Variants in PPA1 observed in about 807,000 individuals in gnomAD.
PPA1 encodes the protein inorganic pyrophosphatase.
A neutral mutation model predicts 41.8 loss-of-function variants in PPA1; 23 were observed. The ratio of observed to expected loss-of-function variants is 0.55; its 90% CI spans 0.40 to 0.78. The LOEUF is 0.78. PPA1 is among the 30% of genes least tolerant of loss of function. The pLI, the probability that PPA1 is intolerant of heterozygous loss-of-function variation, is 0.00. For missense variants in PPA1, 320 were observed against 361.6 expected (o/e 0.89, Z 0.93); for synonymous variants, 101 against 116.8 (o/e 0.86, Z 0.87).
chr10:70,211,801 C>T (rs906832493), intron 6 of PPA1, among the ~76,000 whole-genome samples: 2 of 152,150 alleles, frequency 1.3e-5, no homozygotes, highest in Non-Finnish European at 2.9e-5. Flanking sequence ...ATAAGAAGCA[C>T]GTTGGAAATG....
chr10:70,205,850 G>A (rs1476166995), intron 9 of PPA1: 1 of 155,926 alleles, frequency 6.4e-6, no homozygotes, highest in Non-Finnish European at 1.4e-5. Context: ...TCACATGAAA[G>A]CCTTTCTTAG....
Position 70,221,040 on chromosome 10 carries a change from A to T in PPA1, c.124-2223T>A, listed in dbSNP as rs61196366. ...ATTTATATATATAATATATATATAA[A>T]TTATATATATATATAATTTATATAT... On this transcript the variant is annotated intron_variant, in intron 2 of 10. Transcript: ENST00000373232. 6.8e-3 allele frequency among the ~76,000 whole-genome samples: 456 copies of T among 66,912 alleles called. 31 individuals are homozygous for T. The highest frequency in any genetic ancestry group is 0.039 in the African/African-American group (437 of 11,344). The allele number at this position is 66,912 out of a possible 152,430, so 43.9% of individuals were successfully genotyped here.
chr10:70,222,127 A>G (rs1234551815), intron 2 of PPA1, among the ~76,000 whole-genome samples: 1 of 151,972 alleles, frequency 6.6e-6, no homozygotes, highest in East Asian at 1.9e-4. Context: ...TGAGGTCAGG[A>G]GATCGAGACC....
At chr10:70,206,907 C>G (rs111391803) in intron 8 of PPA1, among the ~76,000 whole-genome samples, 1,015 of 52,964 alleles carry the variant, frequency 0.019, 79 homozygotes, top group African/African-American at 0.094. Flanking sequence ...GAGGAGAGGA[C>G]GAAAGAAACT....
intron 5 of PPA1, 45 bp from the exon 6 acceptor site, chr10:70,213,634 C>A: frequency 6.4e-7 from 1 of 1,561,914 alleles, no homozygotes; most frequent in Non-Finnish European, 8.7e-7. Flanking sequence ...CAGAACCACA[C>A]TCTAGAAGAC....
intron 5 of PPA1, among the ~76,000 whole-genome samples, chr10:70,214,219 A>G (rs1316102635): frequency 6.6e-6 from 1 of 152,182 alleles, no homozygotes; most frequent in Non-Finnish European, 1.5e-5. Flanking sequence ...CCTTTCACCT[A>G]TTGACTAATT....
Position 70,221,079 on chromosome 10 carries a change from T to TATATATATATATAA in PPA1, c.124-2263_124-2262insTTATATATATATAT, listed in dbSNP as rs1564584678. 2.2e-4 allele frequency among the ~76,000 whole-genome samples: 5 copies of TATATATATATATAA among 22,888 alleles called. 1 individual carries two copies. Among genetic ancestry groups the TATATATATATATAA allele is most frequent in the African/African-American group, 9.3e-4 (5 of 5,392 alleles). The allele number at this position is 22,888 out of a possible 152,430, so 15.0% of individuals were successfully genotyped here. On this transcript the variant is annotated intron_variant, in intron 2 of 10. Coordinates refer to ENST00000373232, the MANE Select transcript of PPA1 (RefSeq NM_021129.4). Reference sequence around the variant, plus strand: ...TAATTTATATATATATATATATATTTTTTTTTTTTTTTTTTTGTAGAGATG... The same window carrying TATATATATATATAA: ...TAATTTATATATATATATATATATTTATATATATATATAATTTTTTTTTTTTTTTTGTAGAGATG...
chr10:70,217,906 G>A lies in PPA1; in HGVS notation c.203C>T (p.Pro68Leu), dbSNP rs771588867. Residue 68 changes from proline (P) to leucine (L), a missense_variant, in exon 4 of 11, where the codon CCT (proline) becomes CTT (leucine). Pro to Leu is a moderately conservative substitution (Grantham distance 98). Coordinates refer to ENST00000373232, the MANE Select transcript of PPA1 (RefSeq NM_021129.4). ...TCCTTTTTTCACATCTTGTTTAATA[G>A]GGTTTAAAGGGTCCTTTGTAGCAAT... Reference protein sequence around the residue: ...MEIATKDPLNPIKQDVKKGKL... With the variant: ...MEIATKDPLNLIKQDVKKGKL... 3 of 1,587,704 alleles carry A rather than the reference G, an allele frequency of 1.9e-6. No homozygotes were observed. The highest frequency in any genetic ancestry group is 8.6e-7 in the Non-Finnish European group (1 of 1,165,616).
In PPA1 at chr10:70,220,845, ATT is replaced by A. The variant is rs1491379194; in HGVS notation, c.124-2030_124-2029del. On this transcript the variant is annotated intron_variant, in intron 2 of 10. Coordinates refer to ENST00000373232, the MANE Select transcript of PPA1 (RefSeq NM_021129.4). ...TATTATATATATAATTTTTATATAT[ATT>A]ATATATATAATTCTTATATATATAA... 4.0e-5 allele frequency among the ~76,000 whole-genome samples: 2 copies of A among 50,118 alleles called. 1 individual carries two copies. Among genetic ancestry groups the A allele is most frequent in the Non-Finnish European group, 6.6e-5 (2 of 30,208 alleles). The allele number at this position is 50,118 out of a possible 152,430, so 32.9% of individuals were successfully genotyped here. A position where few individuals can be genotyped will look rare whatever the true frequency, so the allele number is the denominator to read the frequency against.
intron 2 of PPA1, among the ~76,000 whole-genome samples, chr10:70,219,668 A>G (rs1351218620): frequency 6.6e-6 from 1 of 152,222 alleles, no homozygotes; most frequent in Non-Finnish European, 1.5e-5. Context: ...TTAATCAATG[A>G]TAGTTCTACT....
chr10:70,226,164 T>G (rs1453612388), intron 2 of PPA1, among the ~76,000 whole-genome samples: 1 of 152,224 alleles, frequency 6.6e-6, no homozygotes, highest in Non-Finnish European at 1.5e-5. Context: ...CTCATTTGTT[T>G]TCCAGTTACA....
At chr10:70,210,988 C>T (rs559535932) in intron 6 of PPA1, among the ~76,000 whole-genome samples, 1 of 152,206 alleles carries the variant, frequency 6.6e-6, no homozygotes, top group African/African-American at 2.4e-5. Context: ...CGGTCTCGAT[C>T]TCCTGACCTC....
chr10:70,230,335 C>T lies in PPA1; in HGVS notation c.123+6G>A. 1 of 1,612,836 alleles carries T rather than the reference C, an allele frequency of 6.2e-7. No individual in the cohort carries two copies. Among genetic ancestry groups the T allele is most frequent in the South Asian group, 1.1e-5 (1 of 90,796 alleles). On this transcript the variant is annotated splice_donor_region_variant and intron_variant, in intron 2 of 10. Coordinates refer to ENST00000373232, the MANE Select transcript of PPA1 (RefSeq NM_021129.4). ...GAGACTGTGTCCAAAAACAAGGATGCCTTACCTTATCTGCATAAATTGGAA... is the reference window on the plus strand; with the variant it reads ...GAGACTGTGTCCAAAAACAAGGATGTCTTACCTTATCTGCATAAATTGGAA...
chr10:70,228,626 C>T (rs2136772124), intron 2 of PPA1, among the ~76,000 whole-genome samples: 1 of 152,226 alleles, frequency 6.6e-6, no homozygotes, highest in East Asian at 1.9e-4. Context: ...GTAACAAATT[C>T]GAGTTTCTGA....
At chr10:70,211,092 G>A (rs1444705751) in intron 6 of PPA1, among the ~76,000 whole-genome samples, 1 of 152,178 alleles carries the variant, frequency 6.6e-6, no homozygotes, top group East Asian at 1.9e-4. Context: ...TCTGCATAAA[G>A]AATAGCATGC....
At chr10:70,220,545 G>T in intron 2 of PPA1, among the ~76,000 whole-genome samples, 1 of 11,406 alleles carries the variant, frequency 8.8e-5, no homozygotes. Context: ...TAATTTTTAT[G>T]TATAATATAT....
At chr10:70,219,085 T>C (rs550916612) in intron 2 of PPA1, among the ~76,000 whole-genome samples, 2 of 152,350 alleles carry the variant, frequency 1.3e-5, no homozygotes, top group East Asian at 1.9e-4. Flanking sequence ...AAATTTTTTA[T>C]AGAGGCAAGG....
chr10:70,230,258 G>C, intron 2 of PPA1, 83 bp downstream of exon 2: 2 of 1,490,850 alleles, frequency 1.3e-6, no homozygotes, highest in South Asian at 1.2e-5. Context: ...TTAAGCACTT[G>C]TTGAGAGACA....
chr10:70,221,093 TTTG>T (rs1454677543), intron 2 of PPA1, among the ~76,000 whole-genome samples: 1 of 64,104 alleles, frequency 1.6e-5, no homozygotes, highest in Non-Finnish European at 2.7e-5. Flanking sequence ...TTTTTTTTTT[TTTG>T]TAGAGATGGA....
Sources: gnomAD v4.1 joint callset for allele counts (sites outside exome capture counted in the v4.1 genomes callset) on GRCh38, gnomAD v4.1.1 for gene constraint, MANE v1.5 for transcripts, NCBI Gene and HGNC (gene_info 2026-07-23, HGNC 2026-07-21) for gene names.